The following ZNF618 variants were observed in gnomAD, a reference collection of about 807,000 sequenced individuals.
ZNF618 encodes the protein neural precursor cell expressed, developmentally down-regulated 10.
A neutral mutation model predicts 103.0 loss-of-function variants in ZNF618; 34 were observed. The ratio of observed to expected loss-of-function variants is 0.33; its 90% CI spans 0.25 to 0.44. The LOEUF is 0.44. Among genes scored for constraint, ZNF618 ranks in the 20% least tolerant of loss-of-function variants. ZNF618 has a pLI of 1.00. For synonymous variants in ZNF618, 551 were observed against 542.2 expected, an observed-to-expected ratio of 1.02 and a Z score of -0.23; for missense variants, 1,059 against 1,295.4, an observed-to-expected ratio of 0.82 and a Z score of 2.80.
rs532954031 is a variant in ZNF618 at position 113,914,908 on chromosome 9, A to G, written c.33+38495A>G. Reference sequence around the variant, plus strand: ...CTCATCTTCCCAGCACTGGCCTCCAACCTGACTGGCTCATGAAACTTACCT... The same window carrying G: ...CTCATCTTCCCAGCACTGGCCTCCAGCCTGACTGGCTCATGAAACTTACCT... On this transcript the variant is annotated intron_variant, in intron 1 of 14. Coordinates refer to ENST00000374126, the MANE Select transcript of ZNF618 (RefSeq NM_001318042.2). 2.0e-5 allele frequency among the ~76,000 whole-genome samples: 3 copies of G among 152,262 alleles called. No individual in the cohort carries two copies. The South Asian group carries it at 6.2e-4, about 32-fold the overall frequency.
In ZNF618 at chr9:114,050,251, T is replaced by C; in HGVS notation, c.*84T>C. 6.8e-7 allele frequency: 1 copy of C among 1,463,180 alleles called. No homozygotes were observed. Among genetic ancestry groups the C allele is most frequent in the South Asian group, 1.4e-5 (1 of 71,744 alleles). The allele number at this position is 1,463,180 out of a possible 1,614,324, so 90.6% of individuals were successfully genotyped here. Reference sequence around the variant, plus strand: ...ACAACACTGTCACAAAGAAAAGGAATTTAAGTTCTAAACACTGTGGACCTC... The same window carrying C: ...ACAACACTGTCACAAAGAAAAGGAACTTAAGTTCTAAACACTGTGGACCTC... On this transcript the variant is annotated 3_prime_UTR_variant, in exon 15 of 15. Transcript: ENST00000374126.
At chr9:114,039,339 TG>T (rs1160595332) in intron 13 of ZNF618, among the ~76,000 whole-genome samples, 50 of 130,488 alleles carry the variant, frequency 3.8e-4, no homozygotes, top group African/African-American at 1.2e-3. Flanking sequence ...CTTTCTTGTT[TG>T]TTTTTTTTTT....
intron 1 of ZNF618, among the ~76,000 whole-genome samples, chr9:113,954,317 T>C (rs1273049960): frequency 6.6e-6 from 1 of 152,060 alleles, no homozygotes; most frequent in Admixed American, 6.5e-5. Context: ...GCTTGGGTCT[T>C]CTGGGCAGGG....
At chr9:113,928,003 GT>G (rs1361490881) in intron 1 of ZNF618, among the ~76,000 whole-genome samples, 1 of 152,226 alleles carries the variant, frequency 6.6e-6, no homozygotes, top group Non-Finnish European at 1.5e-5. Context: ...AAGTTGTTTA[GT>G]TTCAGTTTGT....
At position 114,021,444 on chromosome 9, in the gene ZNF618, C is replaced by G. The variant is rs79992806; in HGVS notation, c.844+4660C>G. Among the ~76,000 whole-genome samples, 287 of 152,120 alleles carry G rather than the reference C, an allele frequency of 1.9e-3. 2 individuals are homozygous for G. The highest frequency in any genetic ancestry group is 3.2e-3 in the Non-Finnish European group (216 of 67,920). ...ATTTTACTTCCTTTTGATATCACTC[C>G]CAAAACTGTCTCCTCAAGGGCAGGG... On this transcript the variant is annotated intron_variant, in intron 10 of 14. Coordinates refer to ENST00000374126, the MANE Select transcript of ZNF618 (RefSeq NM_001318042.2).
At chr9:113,949,768 C>T (rs545514197) in intron 1 of ZNF618, among the ~76,000 whole-genome samples, 6 of 152,334 alleles carry the variant, frequency 3.9e-5, no homozygotes, top group South Asian at 4.1e-4. Context: ...AATAATAGTG[C>T]GAAGCCTCCA....
At chr9:114,018,572 G>C (rs747320589) in intron 10 of ZNF618, among the ~76,000 whole-genome samples, 1 of 152,146 alleles carries the variant, frequency 6.6e-6, no homozygotes. Context: ...TTTGAATTCC[G>C]GCAGGCAGGC....
intron 13 of ZNF618, among the ~76,000 whole-genome samples, chr9:114,046,892 C>T (rs1208548049): frequency 6.6e-6 from 1 of 152,164 alleles, no homozygotes; most frequent in Admixed American, 6.5e-5. Flanking sequence ...CCCACTTGGT[C>T]ATGGTATGGA....
intron 10 of ZNF618, among the ~76,000 whole-genome samples, chr9:114,021,601 G>A (rs538619596): frequency 6.6e-6 from 1 of 152,032 alleles, no homozygotes; most frequent in Non-Finnish European, 1.5e-5. Flanking sequence ...ATATAATAAA[G>A]TGCCTGTTAT....
intron 1 of ZNF618, among the ~76,000 whole-genome samples, chr9:113,938,441 C>G (rs553309924): frequency 1.3e-5 from 2 of 152,014 alleles, no homozygotes; most frequent in East Asian, 1.9e-4. Context: ...TTGGCTGCCT[C>G]AAAGCATTGG....
intron 1 of ZNF618, among the ~76,000 whole-genome samples, chr9:113,942,059 T>C (rs11791785): frequency 0.056 from 8,505 of 152,156 alleles, 289 homozygotes; most frequent in African/African-American, 0.092. Context: ...TTTAGGACAA[T>C]GTCTGGTATG....
At chr9:114,032,986 C>T (rs1260790948) in intron 12 of ZNF618, among the ~76,000 whole-genome samples, 1 of 152,176 alleles carries the variant, frequency 6.6e-6, no homozygotes, top group Non-Finnish European at 1.5e-5. Flanking sequence ...GAGCAACACC[C>T]CTCCCCATAG....
intron 1 of ZNF618, among the ~76,000 whole-genome samples, chr9:113,890,040 T>A (rs1829472048): frequency 6.6e-6 from 1 of 152,200 alleles, no homozygotes; most frequent in Admixed American, 6.5e-5. Flanking sequence ...AGCCAACTAA[T>A]GTCAGGGTCA....
rs151061498 is a variant in ZNF618 at position 113,957,869 on chromosome 9, T to C, written c.34-11248T>C. On this transcript the variant is annotated intron_variant, in intron 1 of 14. Transcript: ENST00000374126. ...ATCTGAAGTGAATATTTATCACATA[T>C]TTAATGAGTAATCTGAGTCTCAGCT... 5.2e-3 allele frequency among the ~76,000 whole-genome samples: 788 copies of C among 152,004 alleles called. 7 individuals carry two copies. The highest frequency in any genetic ancestry group is 0.018 in the African/African-American group (759 of 41,434).
intron 2 of ZNF618, among the ~76,000 whole-genome samples, chr9:113,973,491 G>T (rs1324144697): frequency 6.6e-6 from 1 of 152,170 alleles, no homozygotes; most frequent in Admixed American, 6.5e-5. Flanking sequence ...AGGAGAGGTT[G>T]TGTTTCTGAT....
At position 113,960,631 on chromosome 9, in the gene ZNF618, TAAAG is replaced by T. The variant is rs1836756110; in HGVS notation, c.34-8481_34-8478del. ...TAAAAGGTATCATAACTGAGAGGCG[TAAAG>T]AAAGTGGTCATTTTCCCTGGCTTTC... On this transcript the variant is annotated intron_variant, in intron 1 of 14. Transcript: ENST00000374126. 3.3e-5 allele frequency among the ~76,000 whole-genome samples: 5 copies of T among 152,272 alleles called. No individual in the cohort carries two copies. In the South Asian group the frequency reaches 1.0e-3, roughly 32 times the overall value.
At chr9:113,917,715 C>T (rs1414658777) in intron 1 of ZNF618, among the ~76,000 whole-genome samples, 6 of 152,176 alleles carry the variant, frequency 3.9e-5, no homozygotes, top group South Asian at 2.1e-4. Context: ...CTCTCTTTCC[C>T]AATAAGGTAA....
chr9:114,001,410 G>T (rs1248368649), intron 4 of ZNF618, among the ~76,000 whole-genome samples: 1 of 152,138 alleles, frequency 6.6e-6, no homozygotes, highest in Non-Finnish European at 1.5e-5. Context: ...TTCCTACAGG[G>T]AGTATATGGC....
chr9:113,886,867 A>G (rs1829115220), intron 1 of ZNF618, among the ~76,000 whole-genome samples: 1 of 152,048 alleles, frequency 6.6e-6, no homozygotes, highest in Admixed American at 6.5e-5. Context: ...AAGACTATAA[A>G]AGTAATAATT....
Sources: allele counts gnomAD v4.1 joint callset (sites outside exome capture counted in the v4.1 genomes callset), GRCh38; gene constraint gnomAD v4.1.1; transcripts MANE v1.5; gene names NCBI Gene and HGNC (gene_info 2026-07-23, HGNC 2026-07-21).